LGR6: variants seen among roughly 807,000 people sequenced by gnomAD.
LGR6 encodes leucine rich repeat containing G protein-coupled receptor 6, also known as leucine-rich repeat-containing G protein-coupled receptor 6.
A neutral mutation model predicts 69.4 loss-of-function variants in LGR6; 45 were observed. That is an observed-to-expected ratio of 0.65 (90% confidence interval 0.51 to 0.83). The LOEUF is 0.83. Among genes scored for constraint, LGR6 ranks in the 40% least tolerant of loss-of-function variants. LGR6 has a pLI of 0.00. For synonymous variants in LGR6, 538 were observed against 555.0 expected, an observed-to-expected ratio of 0.97 and a Z score of 0.43; for missense variants, 1,108 against 1,246.7, an observed-to-expected ratio of 0.89 and a Z score of 1.68.
intron 6 of LGR6, among the ~76,000 whole-genome samples, chr1:202,290,578 TA>T (rs201104351): frequency 4.0e-5 from 6 of 151,640 alleles, no homozygotes; most frequent in African/African-American, 1.2e-4. Flanking sequence ...TCCTCATCAA[TA>T]AAAAAAAGGG....
chr1:202,194,246 G>A, intron 1 of LGR6, 45 bp downstream of exon 1: 1 of 1,389,378 alleles, frequency 7.2e-7, no homozygotes. Flanking sequence ...CGGGCTGCTG[G>A]CTAGCGCCCA....
chr1:202,273,402 C>A (rs922223048), intron 4 of LGR6, among the ~76,000 whole-genome samples: 1 of 151,938 alleles, frequency 6.6e-6, no homozygotes, highest in African/African-American at 2.4e-5. Context: ...TGTCAGGCCC[C>A]TCCCTGGCCC....
intron 6 of LGR6, among the ~76,000 whole-genome samples, chr1:202,281,810 A>G (rs1666028031): frequency 6.7e-6 from 1 of 148,732 alleles, no homozygotes; most frequent in African/African-American, 2.5e-5. Context: ...TCCCACATAT[A>G]CCCCAGGACA....
chr1:202,275,724 G>A (rs190125671), intron 4 of LGR6, among the ~76,000 whole-genome samples: 178 of 152,298 alleles, frequency 1.2e-3, no homozygotes, highest in African/African-American at 4.0e-3. Context: ...TTTTGGGGAG[G>A]CATTTTTCTT....
chr1:202,217,311 C>T (rs2147930073), intron 1 of LGR6, among the ~76,000 whole-genome samples: 1 of 152,260 alleles, frequency 6.6e-6, no homozygotes, highest in Non-Finnish European at 1.5e-5. Context: ...AGAGAGGAAC[C>T]TCTCCTGGGT....
intron 6 of LGR6, among the ~76,000 whole-genome samples, chr1:202,296,512 C>T (rs532095282): frequency 5.9e-5 from 9 of 152,188 alleles, no homozygotes; most frequent in African/African-American, 1.2e-4. Flanking sequence ...CCTCTTTCCC[C>T]GGGGCTCCCC....
chr1:202,300,301 T>C (rs1363958004), intron 7 of LGR6, among the ~76,000 whole-genome samples: 1 of 152,172 alleles, frequency 6.6e-6, no homozygotes, highest in Non-Finnish European at 1.5e-5. Context: ...CCTGCAGCCA[T>C]GTCTCCACCC....
intron 14 of LGR6, among the ~76,000 whole-genome samples, chr1:202,308,014 G>C (rs1437263352): frequency 6.6e-6 from 1 of 152,180 alleles, no homozygotes; most frequent in Non-Finnish European, 1.5e-5. Context: ...CCACCTCCTT[G>C]CCAAGCTGGA....
intron 1 of LGR6, among the ~76,000 whole-genome samples, chr1:202,205,863 TCAAA>T (rs1346636114): frequency 4.1e-5 from 5 of 123,102 alleles, no homozygotes; most frequent in Admixed American, 2.4e-4. Context: ...CACACCTCCT[TCAAA>T]CACACACCCG....
chr1:202,244,929 C>A (rs1352763035), intron 4 of LGR6, among the ~76,000 whole-genome samples: 1 of 152,172 alleles, frequency 6.6e-6, no homozygotes, highest in Non-Finnish European at 1.5e-5. Flanking sequence ...CCAAGTGAGG[C>A]CCACAGCTGG....
intron 4 of LGR6, among the ~76,000 whole-genome samples, chr1:202,271,578 G>A (rs1040653992): frequency 1.2e-4 from 19 of 152,018 alleles, no homozygotes; most frequent in Non-Finnish European, 7.4e-5. Flanking sequence ...AGGCTGAGGC[G>A]GGTGGATCAC....
chr1:202,301,945 G>T (rs1400705364), intron 9 of LGR6, among the ~76,000 whole-genome samples: 2 of 152,180 alleles, frequency 1.3e-5, no homozygotes, highest in African/African-American at 4.8e-5. Context: ...CTTGAACCCG[G>T]GAGGCGGAGG....
chr1:202,304,665 T>C, intron 11 of LGR6, 35 bp downstream of exon 11: 1 of 1,549,664 alleles, frequency 6.5e-7, no homozygotes, highest in South Asian at 1.1e-5. Flanking sequence ...GTCTTGGCAT[T>C]GTGCCCCTAC....
At chr1:202,210,096 T>C (rs1395947251) in intron 1 of LGR6, among the ~76,000 whole-genome samples, 2 of 152,210 alleles carry the variant, frequency 1.3e-5, no homozygotes, top group Admixed American at 6.5e-5. Flanking sequence ...CAGCTTCATT[T>C]AGGATGTAAG....
chr1:202,238,412 CTTT>C (rs60376943), intron 4 of LGR6, among the ~76,000 whole-genome samples: 6,179 of 83,880 alleles, frequency 0.074, 386 homozygotes, highest in African/African-American at 0.14. Flanking sequence ...CAGCCTGATC[CTTT>C]TTTTTTTTTT....
intron 4 of LGR6, among the ~76,000 whole-genome samples, chr1:202,243,170 G>A (rs565719416): frequency 6.5e-4 from 99 of 152,342 alleles, no homozygotes; most frequent in African/African-American, 2.3e-3. Context: ...TGGCCCATCA[G>A]TGGGGCTCAG....
At chr1:202,238,954 G>A (rs938778203) in intron 4 of LGR6, among the ~76,000 whole-genome samples, 1 of 152,196 alleles carries the variant, frequency 6.6e-6, no homozygotes, top group Non-Finnish European at 1.5e-5. Context: ...ACAAGAGCCT[G>A]GGTGCCGGCG....
chr1:202,276,299 C>A lies in LGR6; in HGVS notation c.429-7C>A. The A allele has an allele frequency of 6.2e-7, 1 of 1,611,794 alleles. No individual in the cohort carries two copies. ...GATTGACCCCTCTCCATCCTCTCTT[C>A]CACCAGGCGCCTAGATGCCAACCTC... On this transcript the variant is annotated splice_polypyrimidine_tract_variant and splice_region_variant and intron_variant, in intron 4 of 17. Coordinates refer to ENST00000367278, the MANE Select transcript of LGR6 (RefSeq NM_001017403.2).
At chr1:202,213,972 G>T in intron 1 of LGR6, 1 of 855,862 alleles carries the variant, frequency 1.2e-6, no homozygotes, top group South Asian at 5.3e-5. Flanking sequence ...TCCAGATCTT[G>T]GATCTAGTCT....
Sources: allele counts gnomAD v4.1 joint callset (sites outside exome capture counted in the v4.1 genomes callset), GRCh38; gene constraint gnomAD v4.1.1; transcripts MANE v1.5; gene names NCBI Gene and HGNC (gene_info 2026-07-23, HGNC 2026-07-21).